The following CREBBP variants were observed in gnomAD, a reference collection of about 807,000 sequenced individuals.
CREBBP encodes CREB-binding protein.
Under a neutral mutation model 265.0 loss-of-function variants are expected in CREBBP, and 19 were observed. The ratio of observed to expected loss-of-function variants is 0.07; its 90% CI spans 0.05 to 0.11. The LOEUF (loss-of-function observed/expected upper bound fraction) is 0.11. Ranked by LOEUF, CREBBP falls within the 10% of genes least tolerant of loss-of-function variation. The pLI, the probability that CREBBP is intolerant of heterozygous loss-of-function variation, is 1.00. For missense variants in CREBBP, 2,525 were observed against 3,219.0 expected (o/e 0.78, Z 5.22); for synonymous variants, 1,457 against 1,223.7 (o/e 1.19, Z -3.98).
chr16:3,741,727 G>C (rs976742086), intron 23 of CREBBP: 2 of 151,808 alleles, frequency 1.3e-5, no homozygotes, highest in South Asian at 4.2e-4. Flanking sequence ...ATCACCTGAG[G>C]TCAGGAGTTC....
intron 30 of CREBBP, 85 bp from the exon 31 acceptor site, chr16:3,729,959 G>A: frequency 6.4e-7 from 1 of 1,558,198 alleles, no homozygotes; most frequent in South Asian, 1.2e-5. Flanking sequence ...CCACCGCTAA[G>A]TCTGGGTCTG....
At position 3,793,576 on chromosome 16, in the gene CREBBP, T is replaced by C. The variant is rs751666077; in HGVS notation, c.1026A>G (p.Thr342=). The change falls in exon 4 of 31, where the codon ACA becomes ACG. Residue 342 remains threonine, a synonymous_variant. Transcript: ENST00000262367. ...GTTTTTCAGGATCTGCAGTGGGGCC[T>C]GTTGCAATTGCTTGTGTGGGTACAA... is the stretch of plus-strand genomic sequence containing the variant. ...VGIVPTQAIA[T]GPTADPEKRK... is the part of the protein sequence containing the mutation. 3.4e-5 allele frequency: 55 copies of C among 1,613,782 alleles called. 1 individual carries two copies. The highest frequency in any genetic ancestry group is 4.2e-5 in the Non-Finnish European group (50 of 1,180,040).
chr16:3,769,871 TG>T lies in CREBBP; in HGVS notation c.2881-519del, dbSNP rs1215122181. Among the ~76,000 whole-genome samples the T allele has an allele frequency of 2.6e-5, 4 of 152,032 alleles. 1 individual carries two copies. The South Asian group carries it at 8.3e-4, about 32-fold the overall frequency. Reference sequence around the variant, plus strand: ...TCCTAATTTGCAAATTCTTACTCAATGGAATTTTTTTTTTTTTGAGACGGAG... The same window carrying T: ...TCCTAATTTGCAAATTCTTACTCAATGAATTTTTTTTTTTTTGAGACGGAG... On this transcript the variant is annotated intron_variant, in intron 14 of 30. Coordinates refer to ENST00000262367, the MANE Select transcript of CREBBP (RefSeq NM_004380.3).
At chr16:3,779,929 C>CTCCGT (rs1314867977) in intron 8 of CREBBP, among the ~76,000 whole-genome samples, 3 of 151,994 alleles carry the variant, frequency 2.0e-5, no homozygotes, top group Admixed American at 1.3e-4. Context: ...CCTGGCAAGA[C>CTCCGT]TCCGTCTCTC....
intron 1 of CREBBP, among the ~76,000 whole-genome samples, chr16:3,857,119 C>G (rs1011154789): frequency 6.6e-6 from 1 of 152,154 alleles, no homozygotes; most frequent in East Asian, 1.9e-4. Flanking sequence ...ACTCTCAGAG[C>G]TATCAGTTTT....
At chr16:3,779,766 G>A (rs7201083) in intron 8 of CREBBP, among the ~76,000 whole-genome samples, 1 of 152,214 alleles carries the variant, frequency 6.6e-6, no homozygotes, top group East Asian at 1.9e-4. Flanking sequence ...AATAAGGAAG[G>A]GAAAAAACTC....
intron 15 of CREBBP, among the ~76,000 whole-genome samples, chr16:3,768,129 TAA>T (rs903377940): frequency 1.4e-4 from 18 of 131,794 alleles, no homozygotes; most frequent in South Asian, 2.5e-4. Context: ...GTCCTAAATT[TAA>T]AAGTGTTTTT....
intron 1 of CREBBP, among the ~76,000 whole-genome samples, chr16:3,870,648 C>A (rs1222432134): frequency 6.6e-6 from 1 of 152,174 alleles, no homozygotes; most frequent in African/African-American, 2.4e-5. Flanking sequence ...AGAGCTGGCA[C>A]TGAAAGCCAA....
chr16:3,740,622 C>T lies in CREBBP; in HGVS notation c.3983-73G>A, dbSNP rs917686704. On this transcript the variant is annotated intron_variant, in intron 23 of 30. Transcript: ENST00000262367. ...GAGACAGTGACTGAGACTAGAGAATCCACCCCACTTTGCAGCACAGGCTGA... is the reference window on the plus strand; with the variant it reads ...GAGACAGTGACTGAGACTAGAGAATTCACCCCACTTTGCAGCACAGGCTGA... 3.9e-6 allele frequency: 6 copies of T among 1,552,354 alleles called. No individual in the cohort carries two copies. In the African/African-American group the frequency reaches 6.8e-5, roughly 18 times the overall value.
At chr16:3,771,819 TAAA>T (rs1381915361) in intron 13 of CREBBP, among the ~76,000 whole-genome samples, 1 of 135,778 alleles carries the variant, frequency 7.4e-6, no homozygotes, top group African/African-American at 2.9e-5. Flanking sequence ...TTTTTTTTTT[TAAA>T]AAAAAAAAGA....
At chr16:3,865,021 T>C (rs2141560509) in intron 1 of CREBBP, among the ~76,000 whole-genome samples, 1 of 152,080 alleles carries the variant, frequency 6.6e-6, no homozygotes, top group Non-Finnish European at 1.5e-5. Flanking sequence ...ATCGTGCCAA[T>C]GCACTCCAGC....
At position 3,847,854 on chromosome 16, in the gene CREBBP, A is replaced by G. The variant is rs551845804; in HGVS notation, c.798+2443T>C. On this transcript the variant is annotated intron_variant, in intron 2 of 30. Transcript: ENST00000262367. ...GGCATATCAACTAACTGAAATGTAG[A>G]TTTTGAGTAAAAATCTATAAAAACT... 4.6e-5 allele frequency among the ~76,000 whole-genome samples: 7 copies of G among 152,320 alleles called. No homozygotes were observed. The East Asian group carries it at 1.4e-3, about 29-fold the overall frequency.
intron 3 of CREBBP, among the ~76,000 whole-genome samples, chr16:3,800,905 C>G (rs903270604): frequency 6.6e-6 from 1 of 152,160 alleles, no homozygotes; most frequent in African/African-American, 2.4e-5. Flanking sequence ...CATTTATGAA[C>G]TAGGAAAAAT....
intron 3 of CREBBP, among the ~76,000 whole-genome samples, chr16:3,804,100 G>A (rs940727650): frequency 4.0e-5 from 6 of 151,192 alleles, no homozygotes; most frequent in South Asian, 4.2e-4. Context: ...AAAATCACCC[G>A]ACCAACCAAC....
intron 16 of CREBBP, chr16:3,767,242 C>T: frequency 5.6e-6 from 1 of 180,016 alleles, no homozygotes. Context: ...CACCCTGCCC[C>T]TCACTCTGCA....
At chr16:3,799,298 G>A (rs766825260) in intron 3 of CREBBP, among the ~76,000 whole-genome samples, 27 of 152,312 alleles carry the variant, frequency 1.8e-4, no homozygotes, top group South Asian at 4.1e-4. Flanking sequence ...TTGAAGCAAG[G>A]ACTATATGGT....
In CREBBP at chr16:3,725,201, G is replaced by A. The variant is rs546740096; in HGVS notation, c.*2517C>T. 17 of 233,376 alleles carry A rather than the reference G, an allele frequency of 7.3e-5. No homozygotes were observed. The highest frequency in any genetic ancestry group is 3.8e-4 in the African/African-American group (17 of 45,314). The allele number at this position is 233,376 out of a possible 1,614,324, so 14.5% of individuals were successfully genotyped here. ...GTTGGGGCTTTCCAGGTTTCTTACA[G>A]AAATTTCCTTACGACAAACTTAGGG... On this transcript the variant is annotated 3_prime_UTR_variant, in exon 31 of 31. Transcript: ENST00000262367.
Position 3,728,314 on chromosome 16 carries a change from G to C in CREBBP, c.6733C>G (p.Gln2245Glu), listed in dbSNP as rs746596528. 6.2e-7 allele frequency: 1 copy of C among 1,612,236 alleles called. No individual in the cohort carries two copies. The highest frequency in any genetic ancestry group is 8.5e-7 in the Non-Finnish European group (1 of 1,179,640). The change falls in exon 31 of 31, where the codon CAG becomes GAG. Residue 2245 changes from glutamine to glutamate, a missense_variant. By Grantham distance (29) the Gln-to-Glu change is conservative. Coordinates refer to ENST00000262367, the MANE Select transcript of CREBBP (RefSeq NM_004380.3). This position sits in a 1 kb window ranked among gnomAD's most constrained non-coding sequence, Gnocchi z 8.7. ...QGPGGYPPAM[Q>E]QQQRMQQHLP... ...TGCTGCTGCATGCGCTGCTGCTGCT[G>C]CATGGCCGGTGGGTAGCCTCCGGGT... is the stretch of plus-strand genomic sequence containing the variant.
chr16:3,767,610 A>G lies in CREBBP; in HGVS notation c.3250+110T>C, dbSNP rs184864063. On this transcript the variant is annotated intron_variant, in intron 16 of 30. Coordinates refer to ENST00000262367, the MANE Select transcript of CREBBP (RefSeq NM_004380.3). Reference sequence around the variant, plus strand: ...CTGGGGAATGGCAGGCAAGAAAGGTAAAAGGGCAGATAGAATTATGTTTCT... The same window carrying G: ...CTGGGGAATGGCAGGCAAGAAAGGTGAAAGGGCAGATAGAATTATGTTTCT... 297 of 1,453,900 alleles carry G rather than the reference A, an allele frequency of 2.0e-4. 1 individual carries two copies. The African/African-American group carries it at 3.2e-3, about 16-fold the overall frequency. The allele number at this position is 1,453,900 out of a possible 1,614,324, so 90.1% of individuals were successfully genotyped here. A position where few individuals can be genotyped will look rare whatever the true frequency, so the allele number is the denominator to read the frequency against.
Sources: allele counts gnomAD v4.1 joint callset (sites outside exome capture counted in the v4.1 genomes callset), GRCh38; gene constraint gnomAD v4.1.1; non-coding constraint Gnocchi (gnomAD v3.1); transcripts MANE v1.5; gene names NCBI Gene and HGNC (gene_info 2026-07-23, HGNC 2026-07-21).